PCDH11Y: variants seen among roughly 807,000 people sequenced by gnomAD.
The protein encoded by PCDH11Y is protocadherin 11 Y-linked.
For missense variants in PCDH11Y, 12 were observed against 224.8 expected (o/e 0.05, Z 6.05); for synonymous variants, 9 against 83.6 (o/e 0.11, Z 4.87).
At chrY:5,140,867 C>CT (rs2052847662) in intron 2 of PCDH11Y, among the ~76,000 whole-genome samples, 4 of 27,566 alleles carry the variant, frequency 1.5e-4, no homozygotes, top group South Asian at 8.4e-4. Context: ...TTATTATACT[C>CT]TAAGTTTTAG....
At chrY:5,542,526 G>A in intron 3 of PCDH11Y, among the ~76,000 whole-genome samples, 1 of 32,407 alleles carries the variant, frequency 3.1e-5, no homozygotes, top group Non-Finnish European at 7.6e-5. Context: ...GATCATTAAT[G>A]TCACAGGTAA....
intron 3 of PCDH11Y, among the ~76,000 whole-genome samples, chrY:5,562,448 A>G (rs2053429364): frequency 2.9e-5 from 1 of 33,978 alleles, no homozygotes; most frequent in African/African-American, 1.1e-4. Flanking sequence ...AGCAGCTTCA[A>G]TCTTCTGTAT....
intron 2 of PCDH11Y, among the ~76,000 whole-genome samples, chrY:5,321,813 T>A (rs2124665818): frequency 3.3e-5 from 1 of 30,648 alleles, no homozygotes; most frequent in South Asian, 8.0e-4. Context: ...ACAAAAAAAT[T>A]AAAAAACTGG....
chrY:5,338,824 G>A, intron 2 of PCDH11Y: 1 of 269,190 alleles, frequency 3.7e-6, no homozygotes, highest in Admixed American at 7.9e-5. Context: ...CATAGGCATA[G>A]ATGTCACGGA....
At chrY:5,253,639 T>C in intron 2 of PCDH11Y, among the ~76,000 whole-genome samples, 1 of 32,582 alleles carries the variant, frequency 3.1e-5, no homozygotes, top group African/African-American at 1.2e-4. Flanking sequence ...TAATGTAGCT[T>C]CCAGAAAGGC....
At chrY:5,099,186 G>C (rs767926692) in exon 2 of PCDH11Y, 2 of 398,735 alleles carry the variant, frequency 5.0e-6, no homozygotes, top group South Asian at 3.0e-5. Context: ...TCAATTACCT[G>C]CTAGGCCCTG....
chrY:5,444,299 AC>A (rs2053285338), intron 2 of PCDH11Y, among the ~76,000 whole-genome samples: 1 of 32,075 alleles, frequency 3.1e-5, no homozygotes, highest in Non-Finnish European at 7.7e-5. Flanking sequence ...GAAAAGACAA[AC>A]CACAAAGAAA....
At chrY:5,337,807 G>A in intron 2 of PCDH11Y, 1 of 387,113 alleles carries the variant, frequency 2.6e-6, no homozygotes, top group Non-Finnish European at 3.6e-6. Context: ...AGATCTCAAT[G>A]TCTTGAAGAG....
In PCDH11Y at chrY:5,046,447, C is replaced by T. The variant is rs2124625940; in HGVS notation, c.33-10442C>T. Among the ~76,000 whole-genome samples the T allele has an allele frequency of 2.7e-4, 9 of 33,876 alleles. No individual in the cohort carries two copies. The South Asian group carries it at 6.0e-3, about 22-fold the overall frequency. 90.9% of individuals were successfully genotyped at this position (33,876 alleles called of 37,273 possible). ...TCGGGGGTCAGGGGTCAGGGACCCA[C>T]TTGAGGAGGCAGTCTGCGTGTTCTC... On this transcript the variant is annotated intron_variant, in intron 3 of 5. Coordinates refer to the PCDH11Y transcript ENST00000333703.
At chrY:5,284,047 C>A in intron 2 of PCDH11Y, among the ~76,000 whole-genome samples, 1 of 32,459 alleles carries the variant, frequency 3.1e-5, no homozygotes, top group East Asian at 8.2e-4. Flanking sequence ...CTCAGAATCT[C>A]ATTTTCAATT....
intron 2 of PCDH11Y, among the ~76,000 whole-genome samples, chrY:5,135,376 G>T: frequency 3.0e-5 from 1 of 33,349 alleles, no homozygotes; most frequent in Non-Finnish European, 7.4e-5. Context: ...GAAAGGCAAG[G>T]TCCTAAAGCC....
intron 4 of PCDH11Y, among the ~76,000 whole-genome samples, chrY:5,620,090 T>TA (rs2053498038): frequency 6.3e-5 from 2 of 31,684 alleles, no homozygotes; most frequent in Admixed American, 2.9e-4. Flanking sequence ...AAAACGCTTT[T>TA]AAAAAAATCA....
At chrY:5,133,387 A>AT (rs2052835921) in intron 2 of PCDH11Y, among the ~76,000 whole-genome samples, 8 of 30,540 alleles carry the variant, frequency 2.6e-4, no homozygotes. Context: ...TTTTATTTTT[A>AT]TTTTTTATTT....
At chrY:5,205,564 A>AAT (rs1366181675) in intron 2 of PCDH11Y, among the ~76,000 whole-genome samples, 408 of 22,621 alleles carry the variant, frequency 0.018, no homozygotes, top group Middle Eastern at 0.12. Flanking sequence ...ATATACACTG[A>AAT]ATATATATAT....
At chrY:5,150,442 T>A in intron 2 of PCDH11Y, among the ~76,000 whole-genome samples, 1 of 32,826 alleles carries the variant, frequency 3.0e-5, no homozygotes, top group Non-Finnish European at 7.6e-5. Context: ...CTAACCAACC[T>A]CTTCTATCTC....
chrY:5,672,485 T>C (rs1009571959), intron 4 of PCDH11Y, among the ~76,000 whole-genome samples: 2,246 of 30,696 alleles, frequency 0.073, no homozygotes, highest in East Asian at 0.049. Flanking sequence ...TCAGAGTACT[T>C]CCTAATTCAA....
At chrY:5,323,279 C>T in intron 2 of PCDH11Y, among the ~76,000 whole-genome samples, 2 of 26,312 alleles carry the variant, frequency 7.6e-5, no homozygotes, top group Non-Finnish European at 1.7e-4. Flanking sequence ...CTCACAGCGA[C>T]CTCTGCCTCC....
chrY:5,360,100 T>A, intron 2 of PCDH11Y, among the ~76,000 whole-genome samples: 1 of 32,709 alleles, frequency 3.1e-5, no homozygotes, highest in Non-Finnish European at 7.5e-5. Context: ...GTACTACATT[T>A]CATTAATATT....
intron 2 of PCDH11Y, among the ~76,000 whole-genome samples, chrY:5,400,358 A>G (rs2053231680): frequency 5.8e-5 from 2 of 34,494 alleles, no homozygotes; most frequent in Non-Finnish European, 1.4e-4. Flanking sequence ...GCCATCACGA[A>G]TATGTCACAG....
Sources: allele counts gnomAD v4.1 joint callset (sites outside exome capture counted in the v4.1 genomes callset), GRCh38; gene constraint gnomAD v4.1.1; transcripts MANE v1.5; gene names NCBI Gene and HGNC (gene_info 2026-07-23, HGNC 2026-07-21).